KIAA1549: variants seen among roughly 807,000 people sequenced by gnomAD.
KIAA1549 encodes the protein KIAA1549, also known as UPF0606 protein KIAA1549.
A neutral mutation model predicts 156.4 loss-of-function variants in KIAA1549; 70 were observed. That is an observed-to-expected ratio of 0.45 (90% confidence interval 0.37 to 0.55). The LOEUF (loss-of-function observed/expected upper bound fraction) is 0.55, where lower values mean the gene tolerates loss of function less well. KIAA1549 is among the 20% of genes least tolerant of loss of function. The pLI, the probability that KIAA1549 is intolerant of heterozygous loss-of-function variation, is 0.00. For missense variants in KIAA1549, 2,428 were observed against 2,540.9 expected, an observed-to-expected ratio of 0.96 and a Z score of 0.96; for synonymous variants, 1,103 against 1,066.4, an observed-to-expected ratio of 1.03 and a Z score of -0.67.
In KIAA1549 at chr7:138,919,136, T is replaced by C; in HGVS notation, c.490A>G (p.Thr164Ala). 2 of 1,613,970 alleles carry C rather than the reference T, an allele frequency of 1.2e-6. No individual in the cohort carries two copies. The highest frequency in any genetic ancestry group is 1.7e-6 in the Non-Finnish European group (2 of 1,179,898). ...DDEMDNFLPD[T>A]HWTTPRMVSP... is the part of the protein sequence containing the mutation. Reference sequence around the variant, plus strand: ...ACCATCCGTGGAGTGGTCCAGTGAGTATCTGGCAGAAAGTTATCCATCTCA... The same window carrying C: ...ACCATCCGTGGAGTGGTCCAGTGAGCATCTGGCAGAAAGTTATCCATCTCA... The change falls in exon 2 of 20, where the codon ACT becomes GCT. Residue 164 changes from threonine (T) to alanine (A), a missense_variant. Around this residue, in one of 5 missense-constraint regions of KIAA1549, gnomAD observed 893 missense variants for 847.9 expected, o/e 1.05. Coordinates refer to ENST00000422774, the MANE Select transcript of KIAA1549 (RefSeq NM_001164665.2).
intron 16 of KIAA1549, among the ~76,000 whole-genome samples, chr7:138,857,509 G>A (rs1810428537): frequency 6.6e-6 from 1 of 152,164 alleles, no homozygotes; most frequent in African/African-American, 2.4e-5. Flanking sequence ...ACTTTTTAAA[G>A]AGACTGCCAA....
chr7:138,853,329 T>G (rs1247175137), intron 16 of KIAA1549, among the ~76,000 whole-genome samples: 1 of 152,196 alleles, frequency 6.6e-6, no homozygotes, highest in Non-Finnish European at 1.5e-5. Context: ...CACTAAAAAG[T>G]ACTCACTGCC....
In KIAA1549 at chr7:138,844,323, T is replaced by A. The variant is rs748242035; in HGVS notation, c.5446A>T (p.Thr1816Ser). 6.2e-7 allele frequency: 1 copy of A among 1,613,814 alleles called. No individual in the cohort carries two copies. The highest frequency in any genetic ancestry group is 8.5e-7 in the Non-Finnish European group (1 of 1,179,886). The change falls in exon 18 of 20, where the codon ACC becomes TCC. Residue 1816 changes from threonine to serine, a missense_variant. This residue lies in a region of KIAA1549 where 363 missense variants were observed against 354.0 expected (regional missense o/e 1.03). Transcript: ENST00000422774. Reference sequence around the variant, plus strand: ...GCTAAACAGCCACATATACCTGTGGTACCCCCGACAGGCCGAGGCCGGGCC... The same window carrying A: ...GCTAAACAGCCACATATACCTGTGGAACCCCCGACAGGCCGAGGCCGGGCC... ...SVARPRPVGG[T>S]TGSQIQHLTQ...
chr7:138,860,794 CA>C (rs1360932369), intron 16 of KIAA1549, among the ~76,000 whole-genome samples: 2 of 150,158 alleles, frequency 1.3e-5, no homozygotes, highest in African/African-American at 5.1e-5. Context: ...GAGACATCAA[CA>C]AGAATACATT....
intron 19 of KIAA1549, among the ~76,000 whole-genome samples, chr7:138,838,494 T>A (rs961384450): frequency 9.2e-5 from 14 of 152,276 alleles, no homozygotes; most frequent in Non-Finnish European, 2.1e-4. Context: ...CTGCTTTATC[T>A]AGCTGCTGTC....
intron 10 of KIAA1549, among the ~76,000 whole-genome samples, chr7:138,885,654 C>T (rs1357909330): frequency 3.3e-5 from 5 of 152,218 alleles, no homozygotes; most frequent in Non-Finnish European, 7.3e-5. Context: ...CTCGTGCTTT[C>T]TCAGGGCCAT....
intron 1 of KIAA1549, among the ~76,000 whole-genome samples, chr7:138,965,269 A>G (rs1414966608): frequency 1.3e-5 from 2 of 152,220 alleles, no homozygotes; most frequent in Non-Finnish European, 2.9e-5. Context: ...AATGATTGCA[A>G]TGAATGTATA....
intron 16 of KIAA1549, 150 bp downstream of exon 16, chr7:138,860,989 T>G: frequency 2.7e-6 from 2 of 745,232 alleles, no homozygotes; most frequent in African/African-American, 3.6e-5. Flanking sequence ...AGAATTAATT[T>G]AGTAGAAGAT....
intron 1 of KIAA1549, among the ~76,000 whole-genome samples, chr7:138,927,233 C>A (rs1812744311): frequency 6.6e-6 from 1 of 152,212 alleles, no homozygotes; most frequent in Non-Finnish European, 1.5e-5. Flanking sequence ...TGGACTACTG[C>A]CAATGTTTGT....
intron 10 of KIAA1549, among the ~76,000 whole-genome samples, chr7:138,884,701 CCTTAT>C (rs1452681701): frequency 1.3e-5 from 2 of 152,338 alleles, no homozygotes; most frequent in Admixed American, 6.5e-5. Flanking sequence ...ACAGCAGACC[CCTTAT>C]CTTAACTTAA....
chr7:138,925,751 GC>G (rs1197169840), intron 1 of KIAA1549, among the ~76,000 whole-genome samples: 2 of 142,292 alleles, frequency 1.4e-5, no homozygotes, highest in Non-Finnish European at 3.0e-5. Context: ...GATCGCTTGA[GC>G]CCAGGAGATG....
rs1811332830 is a variant in KIAA1549 at position 138,884,385 on chromosome 7, A to G, written c.4033-2801T>C. On this transcript the variant is annotated intron_variant, in intron 10 of 19. Transcript: ENST00000422774. ...GCCAAAGGGACTTCAGAGAAACCTG[A>G]AAAACCGAGTTCTTGGCTGTAGCAG... is the stretch of plus-strand genomic sequence containing the variant. 2.0e-5 allele frequency among the ~76,000 whole-genome samples: 3 copies of G among 152,200 alleles called. No individual in the cohort carries two copies. In the South Asian group the frequency reaches 6.2e-4, roughly 32 times the overall value.
intron 7 of KIAA1549, among the ~76,000 whole-genome samples, chr7:138,904,458 A>G (rs1455062508): frequency 6.6e-6 from 1 of 152,236 alleles, no homozygotes; most frequent in African/African-American, 2.4e-5. Flanking sequence ...AATGGCAACT[A>G]TCACTACCCC....
intron 10 of KIAA1549, among the ~76,000 whole-genome samples, chr7:138,886,845 C>T (rs1478934844): frequency 2.0e-5 from 3 of 152,008 alleles, no homozygotes. Context: ...CCACTGCATG[C>T]CCATTATTAT....
At chr7:138,912,591 C>G (rs1812200957) in intron 2 of KIAA1549, 131 bp from the exon 3 acceptor site, 2 of 695,048 alleles carry the variant, frequency 2.9e-6, no homozygotes, top group Non-Finnish European at 5.1e-6. Context: ...AAATAAAGGC[C>G]AGACCAAGAC....
chr7:138,834,252 C>CG lies in KIAA1549; in HGVS notation c.*3653dup, dbSNP rs1809637323. 5.3e-6 allele frequency: 1 copy of CG among 188,470 alleles called. No individual in the cohort carries two copies. Among genetic ancestry groups the CG allele is most frequent in the African/African-American group, 2.3e-5 (1 of 42,900 alleles). 11.7% of individuals were successfully genotyped at this position (188,470 alleles called of 1,614,324 possible). A position where few individuals can be genotyped will look rare whatever the true frequency, so the allele number is the denominator to read the frequency against. ...TCAGCTCACTGCAACCTCCACCCCC[C>CG]GGGTTCAAGCAATTATCGTGCCTCA... On this transcript the variant is annotated 3_prime_UTR_variant, in exon 20 of 20. Transcript: ENST00000422774.
chr7:138,868,209 G>T, intron 14 of KIAA1549, 81 bp from the exon 15 acceptor site: 1 of 1,357,438 alleles, frequency 7.4e-7, no homozygotes, highest in Non-Finnish European at 1.0e-6. Flanking sequence ...TAAGTACCCT[G>T]AGTACCTAGG....
In KIAA1549 at chr7:138,868,111, G is replaced by C. The variant is rs1280447639; in HGVS notation, c.4793C>G (p.Ser1598Cys). The C allele has an allele frequency of 3.7e-6, 6 of 1,613,400 alleles. No homozygotes were observed. Among genetic ancestry groups the C allele is most frequent in the Non-Finnish European group, 4.2e-6 (5 of 1,179,750 alleles). Reference protein sequence around the residue: ...EPRKSSRIKRSPKPRRKHQVN... With the variant: ...EPRKSSRIKRCPKPRRKHQVN... ...CTGGTGTTTCCGGCGAGGCTTGGGA[G>C]AACGTTTTATCCGTGAGCTGCCAGG... The change falls in exon 15 of 20, where the codon TCT (serine) becomes TGT (cysteine). Residue 1598 changes from serine (S) to cysteine (C), a missense_variant. Around this residue, in one of 5 missense-constraint regions of KIAA1549, gnomAD observed 404 missense variants for 417.0 expected, o/e 0.97. Transcript: ENST00000422774.
chr7:138,927,497 G>A lies in KIAA1549; in HGVS notation c.188-8059C>T, dbSNP rs148651937. Reference sequence around the variant, plus strand: ...TACTAAAAATACAAAAATTAGCTGCGTGTGGTGGCGCATGCCAGTAGTTCC... The same window carrying A: ...TACTAAAAATACAAAAATTAGCTGCATGTGGTGGCGCATGCCAGTAGTTCC... On this transcript the variant is annotated intron_variant, in intron 1 of 19. Coordinates refer to ENST00000422774, the MANE Select transcript of KIAA1549 (RefSeq NM_001164665.2). Among the ~76,000 whole-genome samples, 443 of 152,334 alleles carry A rather than the reference G, an allele frequency of 2.9e-3. 4 individuals carry two copies. Among genetic ancestry groups the A allele is most frequent in the African/African-American group, 0.01 (432 of 41,580 alleles).
Sources: gnomAD v4.1 joint callset for allele counts (sites outside exome capture counted in the v4.1 genomes callset) on GRCh38, gnomAD v4.1.1 for gene constraint, gnomAD v4.1.1 regional missense constraint, MANE v1.5 for transcripts, NCBI Gene and HGNC (gene_info 2026-07-23, HGNC 2026-07-21) for gene names.